The following PTPRD variants were observed in gnomAD, a reference collection of about 807,000 sequenced individuals.
PTPRD encodes protein tyrosine phosphatase receptor type D, also known as receptor-type tyrosine-protein phosphatase delta.
In PTPRD, 34 loss-of-function variants were observed where a neutral mutation model predicts 214.5. The observed-to-expected ratio is 0.16, with a 90% CI of 0.12 to 0.21. The LOEUF (loss-of-function observed/expected upper bound fraction) is 0.21. Among genes scored for constraint, PTPRD ranks in the 10% least tolerant of loss-of-function variants. The probability of loss-of-function intolerance (pLI) is 1.00; values close to 1 mark genes in which losing one functional copy is unlikely to be tolerated. For synonymous variants in PTPRD, 1,128 were observed against 845.7 expected, an observed-to-expected ratio of 1.33 and a Z score of -5.79; for missense variants, 2,545 against 2,398.7, an observed-to-expected ratio of 1.06 and a Z score of -1.27.
chr9:10,046,039 CATG>C (rs1236780281), intron 3 of PTPRD, among the ~76,000 whole-genome samples: 16 of 151,796 alleles, frequency 1.1e-4, no homozygotes, highest in Admixed American at 9.2e-4. Flanking sequence ...AAATATGAGG[CATG>C]ATAAGCTACA....
intron 10 of PTPRD, among the ~76,000 whole-genome samples, chr9:9,157,705 C>CT (rs972690000): frequency 2.0e-5 from 3 of 151,786 alleles, no homozygotes; most frequent in African/African-American, 4.8e-5. Flanking sequence ...CTTCCCTTTT[C>CT]TTTTTTTTTC....
chr9:8,435,088 C>G (rs2095287214), intron 35 of PTPRD, among the ~76,000 whole-genome samples: 1 of 152,172 alleles, frequency 6.6e-6, no homozygotes, highest in African/African-American at 2.4e-5. Flanking sequence ...AAATATGTGA[C>G]AAAGATGCTG....
intron 8 of PTPRD, among the ~76,000 whole-genome samples, chr9:9,500,745 T>A (rs2096384971): frequency 6.6e-6 from 1 of 152,098 alleles, no homozygotes. Context: ...AAGACTTTTT[T>A]TTCTATTCTC....
At chr9:8,821,150 T>G (rs927781050) in intron 11 of PTPRD, among the ~76,000 whole-genome samples, 1 of 152,230 alleles carries the variant, frequency 6.6e-6, no homozygotes, top group Non-Finnish European at 1.5e-5. Flanking sequence ...ATAGGTATTT[T>G]CTTGAACTAT....
chr9:8,488,465 CAT>C lies in PTPRD; in HGVS notation c.2468-2118_2468-2117del, dbSNP rs555533427. On this transcript the variant is annotated intron_variant, in intron 27 of 45. Transcript: ENST00000381196. ...TGTGTGTTGTGTTGTATATATAAAA[CAT>C]GTGTGTTGTGTTGTATATATAAAAC... Among the ~76,000 whole-genome samples, 11 of 152,244 alleles carry C rather than the reference CAT, an allele frequency of 7.2e-5. No individual in the cohort carries two copies. In the South Asian group the frequency reaches 1.9e-3, roughly 26 times the overall value.
At chr9:8,979,437 A>G (rs944482100) in intron 11 of PTPRD, among the ~76,000 whole-genome samples, 3 of 152,248 alleles carry the variant, frequency 2.0e-5, no homozygotes, top group Middle Eastern at 6.8e-3. Flanking sequence ...AATAATCACC[A>G]AATGAAGTGG....
intron 4 of PTPRD, among the ~76,000 whole-genome samples, chr9:9,958,366 C>T (rs959999809): frequency 5.9e-5 from 9 of 152,086 alleles, no homozygotes; most frequent in African/African-American, 1.9e-4. Context: ...CCCATCTCTA[C>T]TAAACATACA....
intron 3 of PTPRD, among the ~76,000 whole-genome samples, chr9:10,266,492 A>G (rs2094067945): frequency 1.3e-5 from 2 of 152,336 alleles, no homozygotes; most frequent in East Asian, 1.9e-4. Flanking sequence ...TTTTGATTCA[A>G]ATATGTCACT....
intron 3 of PTPRD, among the ~76,000 whole-genome samples, chr9:10,317,224 G>GT (rs1374188843): frequency 6.6e-6 from 1 of 152,006 alleles, no homozygotes; most frequent in East Asian, 1.9e-4. Flanking sequence ...GGGGGCTAGT[G>GT]TTTTTTGCCT....
chr9:9,341,744 G>C (rs746363669), intron 9 of PTPRD, among the ~76,000 whole-genome samples: 3 of 151,962 alleles, frequency 2.0e-5, no homozygotes, highest in Non-Finnish European at 2.9e-5. Flanking sequence ...ATTTGCATAA[G>C]GAAAATAATG....
chr9:9,408,301 G>A (rs1424491165), intron 8 of PTPRD, among the ~76,000 whole-genome samples: 1 of 151,722 alleles, frequency 6.6e-6, no homozygotes, highest in African/African-American at 2.4e-5. Flanking sequence ...CTGAACCAGA[G>A]AAATCTAAAA....
intron 2 of PTPRD, among the ~76,000 whole-genome samples, chr9:10,471,380 C>A (rs1240547594): frequency 6.6e-6 from 1 of 152,042 alleles, no homozygotes; most frequent in Non-Finnish European, 1.5e-5. Context: ...TAAATTATTT[C>A]TTTGTACTTT....
At chr9:10,128,479 T>C (rs983084461) in intron 3 of PTPRD, among the ~76,000 whole-genome samples, 2 of 152,104 alleles carry the variant, frequency 1.3e-5, no homozygotes, top group Non-Finnish European at 2.9e-5. Flanking sequence ...CCAGAAGCTA[T>C]GACTGAGGCA....
At chr9:9,126,518 T>C (rs10125527) in intron 10 of PTPRD, among the ~76,000 whole-genome samples, 7,568 of 152,214 alleles carry the variant, frequency 0.05, 422 homozygotes, top group African/African-American at 0.13. Context: ...ATACTTATTG[T>C]CACAAAAAGT....
intron 12 of PTPRD, among the ~76,000 whole-genome samples, chr9:8,651,903 A>G (rs977117794): frequency 6.6e-6 from 1 of 152,210 alleles, no homozygotes; most frequent in African/African-American, 2.4e-5. Flanking sequence ...AACAATTTTC[A>G]GTTGGATTAC....
intron 5 of PTPRD, among the ~76,000 whole-genome samples, chr9:9,886,307 T>C (rs2153750194): frequency 6.6e-6 from 1 of 152,228 alleles, no homozygotes; most frequent in Middle Eastern, 3.4e-3. Context: ...ACTGGTTATC[T>C]CATATTTCTT....
intron 3 of PTPRD, among the ~76,000 whole-genome samples, chr9:10,337,003 A>G (rs2096855890): frequency 6.6e-6 from 1 of 151,430 alleles, no homozygotes. Context: ...CTGACAAACT[A>G]GACAAGGTGA....
At chr9:8,495,743 A>C (rs1563822437) in intron 26 of PTPRD, among the ~76,000 whole-genome samples, 1 of 152,230 alleles carries the variant, frequency 6.6e-6, no homozygotes, top group East Asian at 1.9e-4. Context: ...GTTATAGTCA[A>C]AGAAGTTTAC....
intron 34 of PTPRD, among the ~76,000 whole-genome samples, chr9:8,438,261 A>C (rs1050920229): frequency 6.6e-6 from 1 of 152,234 alleles, no homozygotes; most frequent in Non-Finnish European, 1.5e-5. Context: ...TGGTAAGTTA[A>C]GTAAAAAGCT....
Sources: gnomAD v4.1 joint callset for allele counts (sites outside exome capture counted in the v4.1 genomes callset) on GRCh38, gnomAD v4.1.1 for gene constraint, MANE v1.5 for transcripts, NCBI Gene and HGNC (gene_info 2026-07-23, HGNC 2026-07-21) for gene names.